Variants in SIM1 observed in about 807,000 individuals in gnomAD.
The protein encoded by SIM1 is single-minded homolog 1.
In SIM1, 18 loss-of-function variants were observed where a neutral mutation model predicts 78.2. That is an observed-to-expected ratio of 0.23 (90% CI 0.16 to 0.34). The LOEUF is 0.34. SIM1 is among the 10% of genes least tolerant of loss of function. The pLI is 1.00. For missense variants in SIM1, 939 were observed against 975.1 expected, an observed-to-expected ratio of 0.96 and a Z score of 0.49; for synonymous variants, 417 against 385.2, an observed-to-expected ratio of 1.08 and a Z score of -0.97.
intron 10 of SIM1, among the ~76,000 whole-genome samples, chr6:100,413,075 T>TA (rs1771302107): frequency 6.6e-6 from 1 of 152,178 alleles, no homozygotes; most frequent in South Asian, 2.1e-4. Context: ...TCCCAACACA[T>TA]ACCACCACCA....
At chr6:100,412,582 AGAAAG>A (rs1771229501) in intron 10 of SIM1, among the ~76,000 whole-genome samples, 1 of 110,458 alleles carries the variant, frequency 9.1e-6, no homozygotes, top group Non-Finnish European at 1.9e-5. Flanking sequence ...AAAGAAAGAA[AGAAAG>A]AAAGAAAGAA....
At position 100,463,530 on chromosome 6, in the gene SIM1, A is replaced by G; in HGVS notation, c.-62T>C. The stretch of plus-strand genomic sequence containing the variant: ...TCCGCAGATTCATCCAAAACCAAAA[A>G]TAAACTTTCAATTAGAGATCATATT... On this transcript the variant is annotated 5_prime_UTR_variant, in exon 2 of 12. Coordinates refer to ENST00000369208, the MANE Select transcript of SIM1 (RefSeq NM_005068.3). The G allele has an allele frequency of 6.8e-7, 1 of 1,469,618 alleles. No individual in the cohort carries two copies. The highest frequency in any genetic ancestry group is 9.2e-7 in the Non-Finnish European group (1 of 1,082,192). 91.0% of individuals were successfully genotyped at this position (1,469,618 alleles called of 1,614,324 possible). A position where few individuals can be genotyped will look rare whatever the true frequency, so the allele number is the denominator to read the frequency against.
At chr6:100,457,664 A>G (rs974352478) in intron 2 of SIM1, among the ~76,000 whole-genome samples, 1 of 152,274 alleles carries the variant, frequency 6.6e-6, no homozygotes. Context: ...TGGTGCAACC[A>G]GCCCGAATCA....
chr6:100,415,672 A>G (rs985061764), intron 10 of SIM1, among the ~76,000 whole-genome samples: 25 of 152,220 alleles, frequency 1.6e-4, no homozygotes, highest in South Asian at 2.1e-4. Flanking sequence ...TAATGCAGAC[A>G]AACTGGACAA....
chr6:100,393,135 C>T (rs143764434), intron 11 of SIM1, among the ~76,000 whole-genome samples: 1 of 152,144 alleles, frequency 6.6e-6, no homozygotes, highest in East Asian at 1.9e-4. Flanking sequence ...ATGAGCCTAC[C>T]GACTATTCAA....
chr6:100,449,394 C>T lies in SIM1; in HGVS notation c.512G>A (p.Arg171His). ...GCCGCCACAGGTGAGGCCGGCGTTA[C>T]GCTTGGCCAAGACGCACTTCATCCT... Reference protein sequence around the residue: ...FLRMKCVLAKRNAGLTCGGYK... With the variant: ...FLRMKCVLAKHNAGLTCGGYK... Residue 171 changes from arginine (R) to histidine (H), a missense_variant, in exon 6 of 12, where the codon CGT becomes CAT. Coordinates refer to ENST00000369208, the MANE Select transcript of SIM1 (RefSeq NM_005068.3). 8 of 1,614,038 alleles carry T rather than the reference C, an allele frequency of 5.0e-6. No individual in the cohort carries two copies. Among genetic ancestry groups the T allele is most frequent in the East Asian group, 2.2e-5 (1 of 44,886 alleles).
intron 3 of SIM1, among the ~76,000 whole-genome samples, 158 bp downstream of exon 3, chr6:100,453,604 G>T (rs1183901262): frequency 6.6e-6 from 1 of 151,746 alleles, no homozygotes; most frequent in Non-Finnish European, 1.5e-5. Flanking sequence ...CAGCTATTGG[G>T]CTCTGAGAGG....
intron 10 of SIM1, among the ~76,000 whole-genome samples, chr6:100,416,991 AC>A (rs1771419420): frequency 1.3e-5 from 2 of 151,784 alleles, no homozygotes; most frequent in Non-Finnish European, 2.9e-5. Flanking sequence ...AAAAAAAAAA[AC>A]AAACTCTAAA....
intron 2 of SIM1, among the ~76,000 whole-genome samples, chr6:100,462,071 G>GACTTAGATAATA (rs903098940): frequency 2.0e-4 from 30 of 151,726 alleles, no homozygotes; most frequent in Non-Finnish European, 3.5e-4. Flanking sequence ...CAGGCTTTTT[G>GACTTAGATAATA]ACTTAGATAA....
Position 100,424,505 on chromosome 6 carries a change from G to A in SIM1, c.999-3547C>T, listed in dbSNP as rs972465867. ...AGTTGGAGTGCAGTGGTGCAATCTC[G>A]GCTCACTGCAGCCTCAACCTCCCCA... On this transcript the variant is annotated intron_variant, in intron 9 of 11. Coordinates refer to ENST00000369208, the MANE Select transcript of SIM1 (RefSeq NM_005068.3). 3.3e-5 allele frequency among the ~76,000 whole-genome samples: 5 copies of A among 151,948 alleles called. No individual in the cohort carries two copies. The East Asian group carries it at 5.8e-4, about 18-fold the overall frequency.
At chr6:100,407,935 G>A (rs1025901320) in intron 10 of SIM1, among the ~76,000 whole-genome samples, 4 of 151,986 alleles carry the variant, frequency 2.6e-5, no homozygotes, top group African/African-American at 9.7e-5. Flanking sequence ...TCCAAAGGCT[G>A]CATTTTCATT....
chr6:100,439,649 C>T lies in SIM1; in HGVS notation c.998+7619G>A, dbSNP rs141680507. Among the ~76,000 whole-genome samples the T allele has an allele frequency of 1.4e-3, 220 of 152,190 alleles. 1 individual carries two copies. Among genetic ancestry groups the T allele is most frequent in the African/African-American group, 5.0e-3 (207 of 41,522 alleles). On this transcript the variant is annotated intron_variant, in intron 9 of 11. Coordinates refer to ENST00000369208, the MANE Select transcript of SIM1 (RefSeq NM_005068.3). Reference sequence around the variant, plus strand: ...ATATACAAAAGGCTCCACTGAACACCATCAGAAATGTCAATGTTTGGTGTT... The same window carrying T: ...ATATACAAAAGGCTCCACTGAACACTATCAGAAATGTCAATGTTTGGTGTT...
At chr6:100,436,280 C>G (rs1179943924) in intron 9 of SIM1, among the ~76,000 whole-genome samples, 1 of 152,200 alleles carries the variant, frequency 6.6e-6, no homozygotes, top group Non-Finnish European at 1.5e-5. Flanking sequence ...CCTACAGACA[C>G]TGTCTTACTC....
At chr6:100,434,867 C>G (rs1374721589) in intron 9 of SIM1, among the ~76,000 whole-genome samples, 1 of 152,172 alleles carries the variant, frequency 6.6e-6, no homozygotes, top group African/African-American at 2.4e-5. Flanking sequence ...ACAACAAATT[C>G]TGTTTGAACA....
At chr6:100,454,461 A>G (rs1386159197) in intron 2 of SIM1, among the ~76,000 whole-genome samples, 1 of 151,844 alleles carries the variant, frequency 6.6e-6, no homozygotes, top group Admixed American at 6.6e-5. Flanking sequence ...CCATCTTCCT[A>G]TTCATTTCCC....
chr6:100,439,896 C>T (rs919070328), intron 9 of SIM1, among the ~76,000 whole-genome samples: 1 of 152,140 alleles, frequency 6.6e-6, no homozygotes, highest in African/African-American at 2.4e-5. Flanking sequence ...ATCAAGACTA[C>T]AGTGAAAAAC....
In SIM1 at chr6:100,386,231, CAGAA is replaced by C. The variant is rs1456033129; in HGVS notation, c.*4126_*4129del. On this transcript the variant is annotated 3_prime_UTR_variant, in exon 12 of 12. Coordinates refer to ENST00000369208, the MANE Select transcript of SIM1 (RefSeq NM_005068.3). The stretch of plus-strand genomic sequence containing the variant: ...ATCTGGGCATTCAAACATTTTATAT[CAGAA>C]AGACTGTGTTTGATTGTATTAAAGT... The C allele has an allele frequency of 2.0e-5, 3 of 151,966 alleles. No individual in the cohort carries two copies. Among genetic ancestry groups the C allele is most frequent in the Non-Finnish European group, 2.9e-5 (2 of 67,920 alleles). 9.4% of individuals were successfully genotyped at this position (151,966 alleles called of 1,614,324 possible). A position where few individuals can be genotyped will look rare whatever the true frequency, so the allele number is the denominator to read the frequency against.
rs1771739985 is a variant in SIM1 at position 100,426,675 on chromosome 6, G to A, written c.999-5717C>T. ...CAATTTCAAGTGAGTTTGAATGAGT[G>A]TACAGAGAAAGCAATCAACAGTATT... On this transcript the variant is annotated intron_variant, in intron 9 of 11. Transcript: ENST00000369208. Among the ~76,000 whole-genome samples, 3 of 152,300 alleles carry A rather than the reference G, an allele frequency of 2.0e-5. No individual in the cohort carries two copies. The South Asian group carries it at 6.2e-4, about 32-fold the overall frequency.
chr6:100,418,654 G>A (rs985336528), intron 10 of SIM1, among the ~76,000 whole-genome samples: 7 of 151,970 alleles, frequency 4.6e-5, no homozygotes, highest in Admixed American at 3.9e-4. Flanking sequence ...TTATTTTTGT[G>A]GCTTAATTTC....
Sources: gnomAD v4.1 joint callset for allele counts (sites outside exome capture counted in the v4.1 genomes callset) on GRCh38, gnomAD v4.1.1 for gene constraint, MANE v1.5 for transcripts, NCBI Gene and HGNC (gene_info 2026-07-23, HGNC 2026-07-21) for gene names.